Variants in SLC15A2 observed in about 807,000 individuals in gnomAD.
SLC15A2 encodes kidney H(+)/peptide cotransporter.
In SLC15A2, 77 loss-of-function variants were observed where a neutral mutation model predicts 95.5. The ratio of observed to expected loss-of-function variants is 0.81; its 90% CI spans 0.67 to 0.97. The LOEUF is 0.97. Ranked by LOEUF, SLC15A2 falls within the 50% of genes least tolerant of loss-of-function variation. The pLI is 0.00. For missense variants in SLC15A2, 893 were observed against 874.4 expected (o/e 1.02, Z -0.27); for synonymous variants, 306 against 306.9 (o/e 1.00, Z 0.03).
At chr3:121,913,325 A>G (rs1429673663) in intron 5 of SLC15A2, among the ~76,000 whole-genome samples, 2 of 152,214 alleles carry the variant, frequency 1.3e-5, no homozygotes, top group East Asian at 3.8e-4. Flanking sequence ...TAGATGAACT[A>G]AAAGGTATGT....
chr3:121,940,674 C>T (rs1215247156), intron 21 of SLC15A2, among the ~76,000 whole-genome samples, 157 bp from the exon 22 acceptor site: 4 of 152,110 alleles, frequency 2.6e-5, no homozygotes, highest in African/African-American at 7.2e-5. Flanking sequence ...CTACAATATA[C>T]CTATGTGAGG....
chr3:121,900,137 G>T (rs9815756), intron 3 of SLC15A2, among the ~76,000 whole-genome samples: 67,880 of 151,964 alleles, frequency 0.45, 15,682 homozygotes, highest in East Asian at 0.69. Flanking sequence ...TCTGTGGTGT[G>T]GATATTAGCT....
chr3:121,897,538 G>A lies in SLC15A2; in HGVS notation c.335+9G>A. The A allele has an allele frequency of 6.2e-7, 1 of 1,613,752 alleles. No individual in the cohort carries two copies. Among genetic ancestry groups the A allele is most frequent in the Non-Finnish European group, 8.5e-7 (1 of 1,179,936 alleles). The stretch of plus-strand genomic sequence containing the variant: ...TGGTTGGGAAAATTCAAGTAAGGAA[G>A]ATGGGAGGTCACATCCCTACAAGTT... On this transcript the variant is annotated intron_variant, in intron 3 of 21. Coordinates refer to ENST00000489711, the MANE Select transcript of SLC15A2 (RefSeq NM_021082.4).
At chr3:121,910,787 C>T (rs2877568) in intron 3 of SLC15A2, among the ~76,000 whole-genome samples, 67,902 of 151,906 alleles carry the variant, frequency 0.45, 15,684 homozygotes, top group East Asian at 0.69. Flanking sequence ...TGTTGTAGTG[C>T]GCCATATTTC....
In SLC15A2 at chr3:121,942,027, G is replaced by A. The variant is rs966251295; in HGVS notation, c.*1020G>A. 3.4e-4 allele frequency: 51 copies of A among 152,096 alleles called. No homozygotes were observed. Among genetic ancestry groups the A allele is most frequent in the African/African-American group, 1.2e-3 (48 of 41,512 alleles). 9.4% of individuals were successfully genotyped at this position (152,096 alleles called of 1,614,324 possible). A position where few individuals can be genotyped will look rare whatever the true frequency, so the allele number is the denominator to read the frequency against. On this transcript the variant is annotated 3_prime_UTR_variant, in exon 22 of 22. Transcript: ENST00000489711. ...ATCAAAGTAGTTCCTTTTTGATGTT[G>A]TTTTCCTGATTTACTTTTCCCATAA...
At chr3:121,931,478 A>G (rs1390079099) in intron 18 of SLC15A2, among the ~76,000 whole-genome samples, 161 bp from the exon 19 acceptor site, 1 of 152,254 alleles carries the variant, frequency 6.6e-6, no homozygotes, top group Admixed American at 6.5e-5. Context: ...GAAGCCTGGC[A>G]TGAAAATAAC....
At chr3:121,940,763 T>G (rs1418753615) in intron 21 of SLC15A2, 68 bp from the exon 22 acceptor site, 1 of 1,516,372 alleles carries the variant, frequency 6.6e-7, no homozygotes, top group East Asian at 2.3e-5. Context: ...TCCCCACTCC[T>G]CATCCTGTAA....
chr3:121,931,864 A>G (rs925267080), intron 19 of SLC15A2, 129 bp downstream of exon 19: 11 of 608,980 alleles, frequency 1.8e-5, no homozygotes, highest in Admixed American at 5.7e-5. Flanking sequence ...TATTTCTAGC[A>G]TAAGATGACA....
chr3:121,937,670 A>G (rs1290211769), intron 19 of SLC15A2, among the ~76,000 whole-genome samples: 1 of 151,820 alleles, frequency 6.6e-6, no homozygotes, highest in African/African-American at 2.4e-5. Context: ...ATTCCTCTAA[A>G]TTTTTTTCAA....
intron 13 of SLC15A2, among the ~76,000 whole-genome samples, chr3:121,926,199 G>A (rs1396314749): frequency 6.6e-6 from 1 of 152,174 alleles, no homozygotes; most frequent in African/African-American, 2.4e-5. Context: ...CTTTGATGCA[G>A]TTTGAATATT....
rs768115176 is a variant in SLC15A2 at position 121,923,149 on chromosome 3, A to G, written c.957+20A>G. 12 of 1,613,462 alleles carry G rather than the reference A, an allele frequency of 7.4e-6. No homozygotes were observed. The Admixed American group carries it at 2.0e-4, about 27-fold the overall frequency. ...CAGCAGGTAAGAATAGTTCTTTTGG[A>G]CATTACCGCTCCTTACAGCCACTTC... On this transcript the variant is annotated intron_variant, in intron 10 of 21. Transcript: ENST00000489711.
At position 121,929,270 on chromosome 3, in the gene SLC15A2, C is replaced by T. The variant is rs754611000; in HGVS notation, c.1507-32C>T. 57 of 1,610,794 alleles carry T rather than the reference C, an allele frequency of 3.5e-5. 1 individual carries two copies. In the South Asian group the frequency reaches 6.3e-4, roughly 18 times the overall value. On this transcript the variant is annotated intron_variant, in intron 16 of 21. Coordinates refer to ENST00000489711, the MANE Select transcript of SLC15A2 (RefSeq NM_021082.4). ...CTGAGTATAGGTCTTATTTCATCAG[C>T]TGTTACTGATTTTTACTTTCCTCTG...
At chr3:121,903,710 A>G (rs1388385031) in intron 3 of SLC15A2, among the ~76,000 whole-genome samples, 1 of 152,060 alleles carries the variant, frequency 6.6e-6, no homozygotes, top group African/African-American at 2.4e-5. Context: ...ATTGGTCTAT[A>G]TATGTGTTTT....
chr3:121,921,839 C>G (rs534150568), intron 7 of SLC15A2, among the ~76,000 whole-genome samples: 128 of 152,158 alleles, frequency 8.4e-4, no homozygotes, highest in Non-Finnish European at 1.4e-3. Context: ...GAAAGAGGAC[C>G]AATAAAACTT....
chr3:121,925,766 ATATATATATATAT>A (rs1710107352), intron 13 of SLC15A2, among the ~76,000 whole-genome samples: 1 of 93,316 alleles, frequency 1.1e-5, no homozygotes, highest in African/African-American at 5.1e-5. Flanking sequence ...ATATATATAT[ATATATATATATAT>A]ATAAAATACA....
At chr3:121,919,861 A>G (rs1473111015) in intron 7 of SLC15A2, among the ~76,000 whole-genome samples, 1 of 152,244 alleles carries the variant, frequency 6.6e-6, no homozygotes, top group Non-Finnish European at 1.5e-5. Context: ...CAAGATAAAG[A>G]CAGTATAATC....
At chr3:121,939,935 A>T (rs978742913) in intron 20 of SLC15A2, among the ~76,000 whole-genome samples, 3 of 151,952 alleles carry the variant, frequency 2.0e-5, no homozygotes, top group African/African-American at 7.2e-5. Flanking sequence ...CCTCTTGAGT[A>T]GCTGGGATTA....
Position 121,922,256 on chromosome 3 carries a change from C to T in SLC15A2, c.734C>T (p.Pro245Leu), listed in dbSNP as rs1251189630. ...FAMGSKIYNKPPPEGNIVAQV... is the reference protein window; with the variant it reads ...FAMGSKIYNKLPPEGNIVAQV... ...ATGGGAAGCAAAATATACAATAAAC[C>T]ACCCCCTGAAGGAAACATAGTGGCT... The change falls in exon 8 of 22, where the codon CCA becomes CTA. Residue 245 changes from proline (P) to leucine (L), a missense_variant. Coordinates refer to ENST00000489711, the MANE Select transcript of SLC15A2 (RefSeq NM_021082.4). The T allele has an allele frequency of 1.2e-6, 2 of 1,613,654 alleles. No individual in the cohort carries two copies. Among genetic ancestry groups the T allele is most frequent in the Admixed American group, 1.7e-5 (1 of 59,982 alleles).
chr3:121,895,522 ATC>A (rs1559836758), intron 1 of SLC15A2: 2 of 152,208 alleles, frequency 1.3e-5, no homozygotes, highest in African/African-American at 4.8e-5. Context: ...AGTTAATGAT[ATC>A]TCTTCTGGTC....
Sources: gnomAD v4.1 joint callset for allele counts (sites outside exome capture counted in the v4.1 genomes callset) on GRCh38, gnomAD v4.1.1 for gene constraint, MANE v1.5 for transcripts, NCBI Gene and HGNC (gene_info 2026-07-23, HGNC 2026-07-21) for gene names.